The following PAX2 variants were observed in gnomAD, a reference collection of about 807,000 sequenced individuals.
The protein encoded by PAX2 is paired box protein Pax-2.
Under a neutral mutation model 41.7 loss-of-function variants are expected in PAX2, and 9 were observed. The observed-to-expected ratio is 0.22, with a 90% confidence interval of 0.13 to 0.38. The LOEUF (loss-of-function observed/expected upper bound fraction) is 0.38. Ranked by LOEUF, PAX2 falls within the 10% of genes least tolerant of loss-of-function variation. The pLI is 1.00. For synonymous variants in PAX2, 221 were observed against 212.7 expected, an observed-to-expected ratio of 1.04 and a Z score of -0.34; for missense variants, 418 against 531.6, an observed-to-expected ratio of 0.79 and a Z score of 2.10.
At chr10:100,806,046 G>A (rs1259892773) in intron 5 of PAX2, among the ~76,000 whole-genome samples, 1 of 152,190 alleles carries the variant, frequency 6.6e-6, no homozygotes, top group Non-Finnish European at 1.5e-5. Context: ...AGTAATGCCA[G>A]TCTGAGACAC....
At chr10:100,812,679 A>AC (rs932247235) in intron 7 of PAX2, among the ~76,000 whole-genome samples, 4 of 150,282 alleles carry the variant, frequency 2.7e-5, no homozygotes, top group Admixed American at 1.3e-4. Context: ...TCTCACCTTG[A>AC]CCCCCCCTCC....
chr10:100,748,442 G>A lies in PAX2; in HGVS notation c.44-1304G>A, dbSNP rs1589809685. On this transcript the variant is annotated intron_variant, in intron 1 of 9. Coordinates refer to ENST00000355243, the MANE Select transcript of PAX2 (RefSeq NM_000278.5). This position sits in a 1 kb window ranked among gnomAD's most constrained non-coding sequence, Gnocchi z 5.0. ...TCTAGGTACCCCCCGAGAAAGGGAGGGGAGAGAAATGAGGGGGGCACAGAT... is the reference window on the plus strand; with the variant it reads ...TCTAGGTACCCCCCGAGAAAGGGAGAGGAGAGAAATGAGGGGGGCACAGAT... 1 of 985,182 alleles carries A rather than the reference G, an allele frequency of 1.0e-6. No individual in the cohort carries two copies. The allele number at this position is 985,182 out of a possible 1,614,324, so 61.0% of individuals were successfully genotyped here. A position where few individuals can be genotyped will look rare whatever the true frequency, so the allele number is the denominator to read the frequency against.
At chr10:100,820,135 AC>A (rs1382293586) in intron 7 of PAX2, among the ~76,000 whole-genome samples, 3 of 152,130 alleles carry the variant, frequency 2.0e-5, no homozygotes, top group Admixed American at 2.0e-4. Context: ...TTTATTATAG[AC>A]TTTTGGCATC....
intron 5 of PAX2, among the ~76,000 whole-genome samples, chr10:100,800,180 G>A (rs920421164): frequency 6.6e-6 from 1 of 151,930 alleles, no homozygotes; most frequent in Non-Finnish European, 1.5e-5. Flanking sequence ...ATCCCACCCT[G>A]ATTTTGTAGA....
intron 5 of PAX2, 71 bp from the exon 6 acceptor site, chr10:100,806,359 C>T (rs1400084753): frequency 6.5e-7 from 1 of 1,526,876 alleles, no homozygotes; most frequent in African/African-American, 1.4e-5. Context: ...ATGCCCACCT[C>T]TTTGCCCTGC....
chr10:100,738,988 C>T (rs1014933720), intron 1 of PAX2, among the ~76,000 whole-genome samples: 5 of 150,070 alleles, frequency 3.3e-5, no homozygotes, highest in Non-Finnish European at 7.4e-5. Context: ...TCCCCGAGGG[C>T]CTAATCCGTC....
chr10:100,816,553 C>T (rs1848190900), intron 7 of PAX2, among the ~76,000 whole-genome samples: 1 of 152,172 alleles, frequency 6.6e-6, no homozygotes, highest in South Asian at 2.1e-4. Flanking sequence ...GTCTCAGTGG[C>T]CTCAAAGCCA....
rs1848636498 is a variant in PAX2, at chr10:100,827,786, C to G, written c.*167C>G. The G allele has an allele frequency of 2.0e-6, 2 of 1,024,074 alleles. No individual in the cohort carries two copies. Among genetic ancestry groups the G allele is most frequent in the Non-Finnish European group, 2.9e-6 (2 of 680,022 alleles). The allele number at this position is 1,024,074 out of a possible 1,614,324, so 63.4% of individuals were successfully genotyped here. A position where few individuals can be genotyped will look rare whatever the true frequency, so the allele number is the denominator to read the frequency against. ...CCCCCGCAACCCTTCACATCACCCC[C>G]CTCGAAGGTCGGACAGGACGGGTGG... On this transcript the variant is annotated 3_prime_UTR_variant, in exon 10 of 10. Transcript: ENST00000355243. The surrounding 1 kb of genome is among the most constrained non-coding windows in gnomAD (Gnocchi z 8.5).
intron 5 of PAX2, among the ~76,000 whole-genome samples, chr10:100,802,039 T>C (rs972996331): frequency 7.2e-5 from 11 of 152,332 alleles, no homozygotes; most frequent in Middle Eastern, 3.4e-3. Context: ...TGTGAGCTGC[T>C]ACAGAATGGG....
At chr10:100,797,786 G>A (rs1408719394) in intron 5 of PAX2, among the ~76,000 whole-genome samples, 1 of 152,178 alleles carries the variant, frequency 6.6e-6, no homozygotes, top group African/African-American at 2.4e-5. Flanking sequence ...AAAAGCTCAG[G>A]AGATTTATAG....
At chr10:100,767,212 GC>G (rs1488342848) in intron 3 of PAX2, among the ~76,000 whole-genome samples, 1 of 152,100 alleles carries the variant, frequency 6.6e-6, no homozygotes, top group Non-Finnish European at 1.5e-5. Flanking sequence ...AGAGCCAATA[GC>G]GCAGCACCCA....
chr10:100,777,510 T>C (rs1228715421), intron 3 of PAX2, among the ~76,000 whole-genome samples: 1 of 151,028 alleles, frequency 6.6e-6, no homozygotes, highest in Non-Finnish European at 1.5e-5. Flanking sequence ...TTCTCCTGCC[T>C]CAGCTGCCTG....
At chr10:100,743,415 T>A (rs1488108787), upstream of PAX2, among the ~76,000 whole-genome samples, 1 of 131,602 alleles carries the variant, frequency 7.6e-6, no homozygotes, top group African/African-American at 3.2e-5. Flanking sequence ...AAAATCTGTG[T>A]CTGTGTGGAA....
intron 3 of PAX2, among the ~76,000 whole-genome samples, chr10:100,759,525 C>G (rs1210147673): frequency 6.6e-6 from 1 of 152,110 alleles, no homozygotes; most frequent in Non-Finnish European, 1.5e-5. Context: ...GTTGCAGATT[C>G]GAGAGCCATC....
intron 5 of PAX2, among the ~76,000 whole-genome samples, chr10:100,794,116 C>T (rs1847237296): frequency 6.6e-6 from 1 of 152,214 alleles, no homozygotes; most frequent in South Asian, 2.1e-4. Flanking sequence ...GTCATCCTGT[C>T]TTATCTGCCA....
intron 3 of PAX2, among the ~76,000 whole-genome samples, chr10:100,765,744 C>T (rs1179474813): frequency 3.3e-5 from 5 of 152,092 alleles, no homozygotes. Context: ...CCCTCTGCCC[C>T]TGTGCTACCT....
intron 1 of PAX2, chr10:100,747,584 G>T (rs939473170): frequency 2.0e-6 from 2 of 983,286 alleles, no homozygotes; most frequent in Non-Finnish European, 2.4e-6. Flanking sequence ...TTTAGACCCG[G>T]CTTGGACCTG....
chr10:100,758,662 A>C (rs1479905219), intron 3 of PAX2, among the ~76,000 whole-genome samples: 1 of 152,244 alleles, frequency 6.6e-6, no homozygotes, highest in Non-Finnish European at 1.5e-5. Flanking sequence ...GCCGGAGCAC[A>C]TGGGCCCTGC....
chr10:100,829,362 C>T lies in PAX2; in HGVS notation c.*1743C>T, dbSNP rs561073990. 4.6e-6 allele frequency: 1 copy of T among 215,180 alleles called. No individual in the cohort carries two copies. The highest frequency in any genetic ancestry group is 1.9e-4 in the South Asian group (1 of 5,362). The allele number at this position is 215,180 out of a possible 1,614,324, so 13.3% of individuals were successfully genotyped here. ...ACCTGGCCCGGCCGCCCTGTCTCCG[C>T]AGGCTAGATCCGAGGTGGCAGCTCC... On this transcript the variant is annotated 3_prime_UTR_variant, in exon 10 of 10. Coordinates refer to ENST00000355243, the MANE Select transcript of PAX2 (RefSeq NM_000278.5).
Sources: allele counts gnomAD v4.1 joint callset (sites outside exome capture counted in the v4.1 genomes callset), GRCh38; gene constraint gnomAD v4.1.1; non-coding constraint Gnocchi (gnomAD v3.1); transcripts MANE v1.5; gene names NCBI Gene and HGNC (gene_info 2026-07-23, HGNC 2026-07-21).